SNX1: variants seen among roughly 807,000 people sequenced by gnomAD.
The protein encoded by SNX1 is sorting nexin-1.
A neutral mutation model predicts 71.8 loss-of-function variants in SNX1; 36 were observed. The observed-to-expected ratio is 0.50, with a 90% CI of 0.38 to 0.66. The LOEUF (loss-of-function observed/expected upper bound fraction) is 0.66, where lower values mean the gene tolerates loss of function less well. SNX1 is among the 30% of genes least tolerant of loss of function. SNX1 has a pLI of 0.00. For missense variants in SNX1, 612 were observed against 646.7 expected, an observed-to-expected ratio of 0.95 and a Z score of 0.58; for synonymous variants, 254 against 240.7, an observed-to-expected ratio of 1.06 and a Z score of -0.51.
rs755951591 is a variant in SNX1 at position 64,130,340 on chromosome 15, C to T, written c.1015+19C>T. On this transcript the variant is annotated intron_variant, in intron 10 of 14. Transcript: ENST00000559844. ...AGGAAAGGTAACAAGCTCTGAAATG[C>T]ACTTGGAGCTAGGGGAAATTGTTGT... 5.0e-6 allele frequency: 8 copies of T among 1,588,392 alleles called. No individual in the cohort carries two copies. The Admixed American group carries it at 1.3e-4, about 27-fold the overall frequency.
At chr15:64,115,898 C>A (rs889944445) in intron 2 of SNX1, among the ~76,000 whole-genome samples, 1 of 152,152 alleles carries the variant, frequency 6.6e-6, no homozygotes, top group African/African-American at 2.4e-5. Flanking sequence ...TTGTGTGGGA[C>A]CTGCATGATG....
chr15:64,138,296 T>A lies in SNX1; in HGVS notation c.*678T>A. On this transcript the variant is annotated 3_prime_UTR_variant, in exon 15 of 15. Coordinates refer to ENST00000559844, the MANE Select transcript of SNX1 (RefSeq NM_003099.5). ...CAAAATCTATTAAAACCTATTCTCC[T>A]GCAAAGGAGGCAGAGACTTTCTCTC... 9.2e-7 allele frequency: 1 copy of A among 1,089,636 alleles called. No homozygotes were observed. The highest frequency in any genetic ancestry group is 1.2e-6 in the Non-Finnish European group (1 of 808,902). 67.5% of individuals were successfully genotyped at this position (1,089,636 alleles called of 1,614,324 possible).
rs181785847 is a variant in SNX1 at position 64,099,052 on chromosome 15, A to G, written c.159+2880A>G. ...TAAACAGCCATAAAGAACAAATTAT[A>G]ATCCAATACATGCTTTAGTTGTGAG... is the stretch of plus-strand genomic sequence containing the variant. On this transcript the variant is annotated intron_variant, in intron 1 of 14. Transcript: ENST00000559844. Among the ~76,000 whole-genome samples, 3 of 152,354 alleles carry G rather than the reference A, an allele frequency of 2.0e-5. No individual in the cohort carries two copies. The East Asian group carries it at 5.8e-4, about 29-fold the overall frequency.
rs771292620 is a variant in SNX1, at chr15:64,131,831, A to C, written c.1160A>C (p.Asn387Thr). 4 of 1,614,070 alleles carry C rather than the reference A, an allele frequency of 2.5e-6. No homozygotes were observed. The African/African-American group carries it at 5.3e-5, about 22-fold the overall frequency. ...IEQLHQEQANNDFFLLAELLS... is the reference protein window; with the variant it reads ...IEQLHQEQANTDFFLLAELLS... ...CAGCTCCACCAGGAACAGGCCAACAATGACTTCTTCCTCCTTGCTGAGCTC... is the reference window on the plus strand; with the variant it reads ...CAGCTCCACCAGGAACAGGCCAACACTGACTTCTTCCTCCTTGCTGAGCTC... The change falls in exon 11 of 15, where the codon AAT becomes ACT. Residue 387 changes from asparagine (N) to threonine (T), a missense_variant. By Grantham distance (65) the Asn-to-Thr change is moderately conservative. This residue lies in a region of SNX1 where 296 missense variants were observed against 361.9 expected (regional missense o/e 0.82). Transcript: ENST00000559844.
At chr15:64,112,817 C>A in intron 2 of SNX1, 133 bp downstream of exon 2, 2 of 548,076 alleles carry the variant, frequency 3.6e-6, no homozygotes, top group South Asian at 3.0e-5. Flanking sequence ...GTGGAGGATT[C>A]CAAAGTACAT....
chr15:64,137,711 C>G lies in SNX1; in HGVS notation c.*93C>G. Reference sequence around the variant, plus strand: ...ATGGACCCCTAGTGATGCATCCTGCCTAGGCTGGACTTAACCCCTTCCTCC... The same window carrying G: ...ATGGACCCCTAGTGATGCATCCTGCGTAGGCTGGACTTAACCCCTTCCTCC... On this transcript the variant is annotated 3_prime_UTR_variant, in exon 15 of 15. Transcript: ENST00000559844. 1.3e-6 allele frequency: 2 copies of G among 1,586,692 alleles called. No individual in the cohort carries two copies. Among genetic ancestry groups the G allele is most frequent in the Non-Finnish European group, 1.7e-6 (2 of 1,162,642 alleles).
intron 2 of SNX1, among the ~76,000 whole-genome samples, chr15:64,116,883 A>C (rs890816947): frequency 7.2e-5 from 11 of 152,218 alleles, no homozygotes; most frequent in Admixed American, 2.0e-4. Flanking sequence ...GTTCTGTTCA[A>C]CTGAGTACTC....
intron 3 of SNX1, 150 bp downstream of exon 3, chr15:64,118,394 A>G (rs775553293): frequency 5.7e-6 from 5 of 879,256 alleles, no homozygotes; most frequent in Non-Finnish European, 8.7e-6. Flanking sequence ...AATCCAATAC[A>G]GGAGTCTTTC....
chr15:64,104,658 G>C (rs921513268), intron 1 of SNX1, among the ~76,000 whole-genome samples: 5 of 151,810 alleles, frequency 3.3e-5, no homozygotes, highest in African/African-American at 1.2e-4. Context: ...GCCAAGGCAG[G>C]TAGATCACCT....
In SNX1 at chr15:64,137,956, C is replaced by A. The variant is rs534014577; in HGVS notation, c.*338C>A. The A allele has an allele frequency of 1.3e-5, 19 of 1,432,030 alleles. No homozygotes were observed. Among genetic ancestry groups the A allele is most frequent in the Non-Finnish European group, 1.7e-5 (19 of 1,100,636 alleles). The allele number at this position is 1,432,030 out of a possible 1,614,324, so 88.7% of individuals were successfully genotyped here. On this transcript the variant is annotated 3_prime_UTR_variant, in exon 15 of 15. Coordinates refer to ENST00000559844, the MANE Select transcript of SNX1 (RefSeq NM_003099.5). ...GAACTGGGAATAACGTTTTCTGTTACTCCTGATGGTGCCATGAAAAGGTTA... is the reference window on the plus strand; with the variant it reads ...GAACTGGGAATAACGTTTTCTGTTAATCCTGATGGTGCCATGAAAAGGTTA...
chr15:64,137,746 C>A lies in SNX1; in HGVS notation c.*128C>A. On this transcript the variant is annotated 3_prime_UTR_variant, in exon 15 of 15. Transcript: ENST00000559844. The stretch of plus-strand genomic sequence containing the variant: ...CTTAACCCCTTCCTCCCTGTCCCCA[C>A]GACCAACTGTCCCCAGTTACTCTAA... 1 of 1,512,028 alleles carries A rather than the reference C, an allele frequency of 6.6e-7. No homozygotes were observed. Among genetic ancestry groups the A allele is most frequent in the Non-Finnish European group, 8.9e-7 (1 of 1,125,220 alleles). The allele number at this position is 1,512,028 out of a possible 1,614,324, so 93.7% of individuals were successfully genotyped here.
At chr15:64,107,357 G>A (rs531169712) in intron 1 of SNX1, among the ~76,000 whole-genome samples, 1 of 152,270 alleles carries the variant, frequency 6.6e-6, no homozygotes, top group South Asian at 2.1e-4. Context: ...GCAACATGAG[G>A]AAGAATCACA....
intron 1 of SNX1, among the ~76,000 whole-genome samples, chr15:64,099,739 C>T (rs1174719255): frequency 6.6e-6 from 1 of 152,190 alleles, no homozygotes; most frequent in Non-Finnish European, 1.5e-5. Flanking sequence ...GAGACATAGT[C>T]TCACTCTTTT....
At chr15:64,136,736 C>T in intron 13 of SNX1, 125 bp from the exon 14 acceptor site, 1 of 685,050 alleles carries the variant, frequency 1.5e-6, no homozygotes, top group South Asian at 1.8e-5. Context: ...CTGGAAATTA[C>T]AGCTGTTCCA....
intron 13 of SNX1, among the ~76,000 whole-genome samples, 158 bp from the exon 14 acceptor site, chr15:64,136,703 A>G (rs143851388): frequency 6.6e-6 from 1 of 152,254 alleles, no homozygotes; most frequent in African/African-American, 2.4e-5. Context: ...AAGCCTTTCA[A>G]GGCCTTGGCA....
At chr15:64,135,905 G>C (rs1596009091) in intron 12 of SNX1, among the ~76,000 whole-genome samples, 1 of 145,590 alleles carries the variant, frequency 6.9e-6, no homozygotes, top group East Asian at 2.1e-4. Flanking sequence ...CTGGATGACA[G>C]AGCGAGACTC....
At chr15:64,133,449 T>A (rs889349910) in intron 11 of SNX1, among the ~76,000 whole-genome samples, 2 of 152,138 alleles carry the variant, frequency 1.3e-5, no homozygotes, top group Admixed American at 6.5e-5. Flanking sequence ...GCAGGGAAGG[T>A]TGGGGCGTGG....
At chr15:64,105,305 T>C (rs2081009522) in intron 1 of SNX1, among the ~76,000 whole-genome samples, 1 of 152,110 alleles carries the variant, frequency 6.6e-6, no homozygotes, top group Admixed American at 6.6e-5. Flanking sequence ...GCCAACCCAT[T>C]GTTTACTTAG....
chr15:64,110,852 A>G lies in SNX1; in HGVS notation c.160-1721A>G, dbSNP rs73448922. Among the ~76,000 whole-genome samples the G allele has an allele frequency of 8.2e-3, 1,253 of 152,358 alleles. 13 individuals are homozygous for G. The highest frequency in any genetic ancestry group is 0.029 in the African/African-American group (1,186 of 41,584). On this transcript the variant is annotated intron_variant, in intron 1 of 14. Coordinates refer to ENST00000559844, the MANE Select transcript of SNX1 (RefSeq NM_003099.5). ...GCTCCGGAAAATATTCTTAGTCATT[A>G]ACCTTCCAAGTTAAGTGGTGGATCA...
Sources: gnomAD v4.1 joint callset for allele counts (sites outside exome capture counted in the v4.1 genomes callset) on GRCh38, gnomAD v4.1.1 for gene constraint, gnomAD v4.1.1 regional missense constraint, MANE v1.5 for transcripts, NCBI Gene and HGNC (gene_info 2026-07-23, HGNC 2026-07-21) for gene names.